Variants in KCNIP4 observed in about 807,000 individuals in gnomAD.
KCNIP4 encodes the protein Kv channel-interacting protein 4.
KCNIP4 carries 12 observed loss-of-function variants against 34.0 expected under a neutral mutation model. The observed-to-expected ratio is 0.35, with a 90% confidence interval of 0.23 to 0.57. The LOEUF is 0.57. Ranked by LOEUF, KCNIP4 falls within the 20% of genes least tolerant of loss-of-function variation. The pLI is 0.83. For missense variants in KCNIP4, 238 were observed against 311.7 expected, an observed-to-expected ratio of 0.76 and a Z score of 1.78; for synonymous variants, 124 against 102.2, an observed-to-expected ratio of 1.21 and a Z score of -1.29.
At chr4:21,291,095 A>G (rs572915474) in intron 1 of KCNIP4, among the ~76,000 whole-genome samples, 1 of 152,270 alleles carries the variant, frequency 6.6e-6, no homozygotes, top group South Asian at 2.1e-4. Context: ...TTCCATTTCA[A>G]CCCACAGACA....
chr4:21,556,852 T>C (rs1416696157), intron 1 of KCNIP4, among the ~76,000 whole-genome samples: 1 of 134,224 alleles, frequency 7.5e-6, no homozygotes, highest in East Asian at 2.2e-4. Flanking sequence ...ACCCGGGAGA[T>C]AGAGGCTGTA....
chr4:20,855,350 C>T (rs550780175), intron 2 of KCNIP4, among the ~76,000 whole-genome samples: 63 of 152,212 alleles, frequency 4.1e-4, no homozygotes, highest in African/African-American at 1.4e-3. Flanking sequence ...CTTGGCTTCC[C>T]CTTTCTATCC....
intron 1 of KCNIP4, among the ~76,000 whole-genome samples, chr4:21,121,290 C>A (rs1750135503): frequency 6.6e-6 from 1 of 152,152 alleles, no homozygotes; most frequent in Non-Finnish European, 1.5e-5. Context: ...CATATAGGAG[C>A]TTTTACACTT....
At chr4:21,290,982 A>G (rs751777222) in intron 1 of KCNIP4, among the ~76,000 whole-genome samples, 25 of 152,296 alleles carry the variant, frequency 1.6e-4, no homozygotes, top group South Asian at 4.1e-4. Flanking sequence ...GATTTTATAG[A>G]AGAAGTAGAG....
At chr4:20,827,964 T>C (rs1392735698) in intron 3 of KCNIP4, among the ~76,000 whole-genome samples, 2 of 152,216 alleles carry the variant, frequency 1.3e-5, no homozygotes, top group African/African-American at 4.8e-5. Context: ...TGGCTTCTGA[T>C]ACAATTGTGA....
chr4:21,510,259 C>A (rs1454711273), intron 1 of KCNIP4, among the ~76,000 whole-genome samples: 1 of 151,990 alleles, frequency 6.6e-6, no homozygotes, highest in Admixed American at 6.6e-5. Flanking sequence ...AGTTTTCTTT[C>A]AACTCCAAGA....
chr4:21,588,884 T>G (rs1045028703), intron 1 of KCNIP4, among the ~76,000 whole-genome samples: 1 of 151,586 alleles, frequency 6.6e-6, no homozygotes, highest in Admixed American at 6.6e-5. Context: ...ATCACTTGGA[T>G]TATTCCTCAA....
At chr4:21,568,047 G>C (rs1227000592) in intron 1 of KCNIP4, among the ~76,000 whole-genome samples, 1 of 152,162 alleles carries the variant, frequency 6.6e-6, no homozygotes, top group Non-Finnish European at 1.5e-5. Flanking sequence ...CCCTGAGGGA[G>C]AGAGTCATGA....
intron 1 of KCNIP4, among the ~76,000 whole-genome samples, chr4:21,435,880 C>G (rs1242189719): frequency 6.6e-6 from 1 of 152,098 alleles, no homozygotes; most frequent in Non-Finnish European, 1.5e-5. Context: ...TTAAATTGCT[C>G]TAATCTGCTT....
intron 1 of KCNIP4, among the ~76,000 whole-genome samples, chr4:21,313,652 T>G (rs1205856511): frequency 6.6e-6 from 1 of 152,166 alleles, no homozygotes; most frequent in Non-Finnish European, 1.5e-5. Context: ...CTCAATGCAA[T>G]GGAAATGTAA....
chr4:21,338,724 TTA>T (rs1247838734), intron 1 of KCNIP4, among the ~76,000 whole-genome samples: 1 of 151,886 alleles, frequency 6.6e-6, no homozygotes, highest in African/African-American at 2.4e-5. Flanking sequence ...ATTAATAATG[TTA>T]TATATATAAA....
chr4:21,028,635 A>C (rs1419785799), intron 1 of KCNIP4, among the ~76,000 whole-genome samples: 1 of 152,164 alleles, frequency 6.6e-6, no homozygotes, highest in Non-Finnish European at 1.5e-5. Flanking sequence ...TATTTAGCAA[A>C]ATACTTAGTA....
chr4:20,926,675 A>G (rs1268108502), intron 1 of KCNIP4, among the ~76,000 whole-genome samples: 1 of 152,166 alleles, frequency 6.6e-6, no homozygotes, highest in Non-Finnish European at 1.5e-5. Context: ...GAATGTTTTG[A>G]GATTCTTTAA....
At chr4:21,423,666 T>C (rs1463732274) in intron 1 of KCNIP4, among the ~76,000 whole-genome samples, 1 of 152,090 alleles carries the variant, frequency 6.6e-6, no homozygotes, top group African/African-American at 2.4e-5. Flanking sequence ...ATCCAACTGA[T>C]TTTTTTTAAT....
At chr4:21,869,926 C>T (rs761591008) in intron 1 of KCNIP4, among the ~76,000 whole-genome samples, 4 of 152,132 alleles carry the variant, frequency 2.6e-5, no homozygotes, top group Non-Finnish European at 5.9e-5. Flanking sequence ...AGTCTAAACG[C>T]ATTTAAATTT....
rs71655619 is a variant in KCNIP4, at chr4:21,193,571, A to ATTTTTTTTT, written c.62-310871_62-310863dup. Among the ~76,000 whole-genome samples the ATTTTTTTTT allele has an allele frequency of 4.2e-4, 50 of 119,240 alleles. 4 individuals carry two copies. The highest frequency in any genetic ancestry group is 1.6e-3 in the African/African-American group (44 of 28,028). The allele number at this position is 119,240 out of a possible 152,430, so 78.2% of individuals were successfully genotyped here. A position where few individuals can be genotyped will look rare whatever the true frequency, so the allele number is the denominator to read the frequency against. ...TATGGATCACTTATTGCAATTTTAA[A>ATTTTTTTTT]TTTTTTTTTTTTTTTTTTTTGAGAC... On this transcript the variant is annotated intron_variant, in intron 1 of 8. Coordinates refer to ENST00000382152, the MANE Select transcript of KCNIP4 (RefSeq NM_025221.6).
intron 1 of KCNIP4, among the ~76,000 whole-genome samples, chr4:21,317,351 T>C (rs1185164415): frequency 1.3e-5 from 2 of 152,138 alleles, no homozygotes; most frequent in Admixed American, 1.3e-4. Context: ...AAAAATATGT[T>C]TACTATTCTG....
chr4:21,348,148 G>A (rs527353486), intron 1 of KCNIP4, among the ~76,000 whole-genome samples: 85 of 152,292 alleles, frequency 5.6e-4, no homozygotes, highest in Non-Finnish European at 1.0e-3. Context: ...CAGGAGTATT[G>A]AGCTTGACTG....
At chr4:21,912,742 G>A (rs2108984772) in intron 1 of KCNIP4, among the ~76,000 whole-genome samples, 1 of 151,800 alleles carries the variant, frequency 6.6e-6, no homozygotes, top group African/African-American at 2.4e-5. Context: ...AACAGAGAAA[G>A]CAAAGAGTGG....
Sources: gnomAD v4.1 joint callset for allele counts (sites outside exome capture counted in the v4.1 genomes callset) on GRCh38, gnomAD v4.1.1 for gene constraint, MANE v1.5 for transcripts, NCBI Gene and HGNC (gene_info 2026-07-23, HGNC 2026-07-21) for gene names.